The following FBN2 variants were observed in gnomAD, a reference collection of about 807,000 sequenced individuals.
FBN2 encodes fibrillin-2.
Under a neutral mutation model 355.6 loss-of-function variants are expected in FBN2, and 105 were observed. The observed-to-expected ratio is 0.30, with a 90% confidence interval of 0.25 to 0.35. The LOEUF (loss-of-function observed/expected upper bound fraction) is 0.35. Ranked by LOEUF, FBN2 falls within the 10% of genes least tolerant of loss-of-function variation. The probability of loss-of-function intolerance (pLI) is 1.00; values close to 1 mark genes in which losing one functional copy is unlikely to be tolerated. For missense variants in FBN2, 3,280 were observed against 3,758.7 expected (o/e 0.87, Z 3.33); for synonymous variants, 1,350 against 1,301.2 (o/e 1.04, Z -0.81).
intron 39 of FBN2, among the ~76,000 whole-genome samples, chr5:128,310,389 TATATATATATATA>T (rs578059900): frequency 0.017 from 166 of 9,774 alleles, no homozygotes; most frequent in Middle Eastern, 0.12. Flanking sequence ...TATATATATA[TATATATATATATA>T]TTTTTTTTTT....
At chr5:128,405,254 A>G (rs1312413908) in intron 8 of FBN2, among the ~76,000 whole-genome samples, 4 of 152,172 alleles carry the variant, frequency 2.6e-5, no homozygotes, top group Admixed American at 6.5e-5. Flanking sequence ...CTGGATTTTA[A>G]TGAGCATAGA....
chr5:128,506,350 A>G (rs1212566920), intron 5 of FBN2, among the ~76,000 whole-genome samples: 2 of 152,154 alleles, frequency 1.3e-5, no homozygotes, highest in Middle Eastern at 3.2e-3. Context: ...TTGTTCAGCA[A>G]TGTTTTGCAG....
intron 48 of FBN2, among the ~76,000 whole-genome samples, chr5:128,298,946 T>A (rs1749622539): frequency 1.3e-5 from 2 of 152,168 alleles, no homozygotes; most frequent in African/African-American, 4.8e-5. Context: ...TTCTGCTCTG[T>A]TTTTTCCCCA....
intron 8 of FBN2, among the ~76,000 whole-genome samples, chr5:128,396,237 G>T (rs548120085): frequency 2.0e-5 from 3 of 152,134 alleles, no homozygotes; most frequent in Non-Finnish European, 4.4e-5. Context: ...GGGAAGAAAC[G>T]GGATTAGAGA....
intron 59 of FBN2, among the ~76,000 whole-genome samples, chr5:128,275,446 T>A (rs929898436): frequency 3.3e-5 from 5 of 151,774 alleles, no homozygotes; most frequent in East Asian, 1.9e-4. Flanking sequence ...GCTATTATTT[T>A]TTTTTTTTTT....
At chr5:128,517,955 T>C (rs1391720791) in intron 5 of FBN2, among the ~76,000 whole-genome samples, 1 of 152,180 alleles carries the variant, frequency 6.6e-6, no homozygotes, top group African/African-American at 2.4e-5. Context: ...CTCAAGTTTG[T>C]TTTTACTGTT....
intron 34 of FBN2, among the ~76,000 whole-genome samples, chr5:128,324,136 T>TC (rs916350864): frequency 1.2e-4 from 18 of 152,246 alleles, no homozygotes; most frequent in African/African-American, 4.3e-4. Context: ...AGTGGTGATA[T>TC]CCCCCCCTTT....
At chr5:128,521,533 A>G (rs922334332) in intron 4 of FBN2, among the ~76,000 whole-genome samples, 1 of 152,234 alleles carries the variant, frequency 6.6e-6, no homozygotes, top group Non-Finnish European at 1.5e-5. Context: ...ATACAATTAA[A>G]TTTTTAAAAA....
At chr5:128,284,660 C>T (rs1749090626) in intron 55 of FBN2, among the ~76,000 whole-genome samples, 1 of 152,194 alleles carries the variant, frequency 6.6e-6, no homozygotes, top group African/African-American at 2.4e-5. Context: ...CCTTGAGGCA[C>T]TACACTCGGG....
rs149634399 is a variant in FBN2, at chr5:128,421,093, G to A, written c.953-12294C>T. Among the ~76,000 whole-genome samples the A allele has an allele frequency of 2.6e-5, 4 of 152,246 alleles. No homozygotes were observed. The East Asian group carries it at 7.7e-4, about 29-fold the overall frequency. ...CAATTATAAGGCATGGATGAGAAAT[G>A]GGCAGCTTTCCATGACCTGAGGGCA... is the stretch of plus-strand genomic sequence containing the variant. On this transcript the variant is annotated intron_variant, in intron 7 of 64. Transcript: ENST00000262464.
At chr5:128,455,551 G>A (rs1018844310) in intron 6 of FBN2, among the ~76,000 whole-genome samples, 1 of 151,968 alleles carries the variant, frequency 6.6e-6, no homozygotes, top group African/African-American at 2.4e-5. Context: ...TCTCTCAGAG[G>A]CTCCCATCAA....
At chr5:128,471,083 T>C (rs752911918) in intron 5 of FBN2, among the ~76,000 whole-genome samples, 1 of 152,170 alleles carries the variant, frequency 6.6e-6, no homozygotes, top group Non-Finnish European at 1.5e-5. Context: ...GGTATTTATG[T>C]TCTCAGTAAC....
At chr5:128,337,946 G>T in intron 27 of FBN2, 51 bp downstream of exon 27, 1 of 1,604,044 alleles carries the variant, frequency 6.2e-7, no homozygotes, top group South Asian at 1.1e-5. Flanking sequence ...CTGATCCCTG[G>T]TCTTTACCAG....
intron 39 of FBN2, among the ~76,000 whole-genome samples, chr5:128,311,005 T>C (rs1212176925): frequency 6.6e-6 from 1 of 152,198 alleles, no homozygotes; most frequent in African/African-American, 2.4e-5. Context: ...ATGTAATTCT[T>C]ATCAATATTT....
rs116276123 is a variant in FBN2 at position 128,518,412 on chromosome 5, T to C, written c.628+861A>G. On this transcript the variant is annotated intron_variant, in intron 5 of 64. Transcript: ENST00000262464. ...ATGCGGGATGCCTACCCAGCATCCA[T>C]CCCTCCACCCCTTTTCTCTTACCAA... is the stretch of plus-strand genomic sequence containing the variant. Among the ~76,000 whole-genome samples, 229 of 152,246 alleles carry C rather than the reference T, an allele frequency of 1.5e-3. 2 individuals are homozygous for C. Among genetic ancestry groups the C allele is most frequent in the African/African-American group, 5.0e-3 (207 of 41,564 alleles).
chr5:128,334,786 T>C lies in FBN2; in HGVS notation c.4032A>G (p.Thr1344=), dbSNP rs748432593. ...GACAGTGGCAAATGAAGGATCCCTT[T>C]GTGTTCTCACATTCCCCAAACATGC... The part of the protein sequence containing the change: ...NICMFGECEN[T]KGSFICHCQL... The change falls in exon 31 of 65, where the codon ACA becomes ACG. Residue 1344 remains threonine, a synonymous_variant. Transcript: ENST00000262464. 6.2e-6 allele frequency: 10 copies of C among 1,613,604 alleles called. No homozygotes were observed. The highest frequency in any genetic ancestry group is 8.5e-6 in the Non-Finnish European group (10 of 1,179,466).
At chr5:128,289,004 C>T (rs1301141166) in intron 52 of FBN2, 123 bp downstream of exon 52, 2 of 974,442 alleles carry the variant, frequency 2.1e-6, no homozygotes, top group Non-Finnish European at 3.2e-6. Context: ...GAAGGTGCCA[C>T]TACTAGCTAT....
At position 128,335,529 on chromosome 5, in the gene FBN2, G is replaced by C; in HGVS notation, c.3773C>G (p.Thr1258Arg). Residue 1258 changes from threonine (T) to arginine (R), a missense_variant, in exon 29 of 65, where the codon ACA (threonine) becomes AGA (arginine). By Grantham distance (71) the Thr-to-Arg change is moderately conservative (BLOSUM62 -1). Transcript: ENST00000262464. ...GCATTCGTAGCTTCCCTCTGAATTTGTGCACTGGGTGTCACAGCCTCCGTT... is the reference window on the plus strand; with the variant it reads ...GCATTCGTAGCTTCCCTCTGAATTTCTGCACTGGGTGTCACAGCCTCCGTT... ...IMNGGCDTQC[T>R]NSEGSYECSC... 1.2e-6 allele frequency: 2 copies of C among 1,614,048 alleles called. No individual in the cohort carries two copies. The highest frequency in any genetic ancestry group is 2.7e-5 in the African/African-American group (2 of 75,034).
chr5:128,537,230 G>A (rs780614790), intron 1 of FBN2, 120 bp downstream of exon 1: 7 of 1,466,034 alleles, frequency 4.8e-6, no homozygotes, highest in African/African-American at 1.4e-5. Flanking sequence ...GGCAAAGGGG[G>A]CTGCAGCTCT....
Sources: allele counts gnomAD v4.1 joint callset (sites outside exome capture counted in the v4.1 genomes callset), GRCh38; gene constraint gnomAD v4.1.1; transcripts MANE v1.5; gene names NCBI Gene and HGNC (gene_info 2026-07-23, HGNC 2026-07-21).